HMGCL: variants seen among roughly 807,000 people sequenced by gnomAD.
HMGCL encodes the protein hydroxymethylglutaryl-CoA lyase, mitochondrial.
HMGCL carries 26 observed loss-of-function variants against 37.3 expected under a neutral mutation model. The ratio of observed to expected loss-of-function variants is 0.70; its 90% confidence interval spans 0.51 to 0.97. HMGCL has a LOEUF of 0.97. Ranked by LOEUF, HMGCL falls within the 50% of genes least tolerant of loss-of-function variation. The pLI is 0.00. For missense variants in HMGCL, 379 were observed against 398.1 expected, an observed-to-expected ratio of 0.95 and a Z score of 0.41; for synonymous variants, 151 against 148.0, an observed-to-expected ratio of 1.02 and a Z score of -0.15.
intron 7 of HMGCL, chr1:23,807,216 C>T (rs1461850568): frequency 5.8e-6 from 3 of 518,890 alleles, no homozygotes; most frequent in African/African-American, 5.8e-5. Context: ...GTCACTCTTC[C>T]TGTCTGCCTG....
At chr1:23,811,542 T>G (rs1638520379) in intron 5 of HMGCL, among the ~76,000 whole-genome samples, 2 of 152,132 alleles carry the variant, frequency 1.3e-5, no homozygotes, top group African/African-American at 4.8e-5. Context: ...AAGATCCCTC[T>G]GAGGACAGGA....
intron 5 of HMGCL, among the ~76,000 whole-genome samples, chr1:23,812,448 C>G (rs1303527170): frequency 6.6e-6 from 1 of 152,132 alleles, no homozygotes; most frequent in Non-Finnish European, 1.5e-5. Flanking sequence ...CTTGGACCTC[C>G]CAGGCTCAGG....
At chr1:23,803,726 T>C (rs1415047963) in intron 8 of HMGCL, 1 of 152,364 alleles carries the variant, frequency 6.6e-6, no homozygotes, top group Non-Finnish European at 1.5e-5. Flanking sequence ...AAATAATTTG[T>C]CTGAGGTCTC....
intron 3 of HMGCL, 115 bp from the exon 4 acceptor site, chr1:23,816,885 C>A: frequency 1.3e-6 from 1 of 756,282 alleles, no homozygotes; most frequent in South Asian, 1.4e-5. Flanking sequence ...GCGAGTAATT[C>A]CTTCTGCAGA....
chr1:23,802,503 T>A lies in HMGCL; in HGVS notation c.938A>T (p.Lys313Ile). 6.2e-7 allele frequency: 1 copy of A among 1,614,146 alleles called. No individual in the cohort carries two copies. The highest frequency in any genetic ancestry group is 8.5e-7 in the Non-Finnish European group (1 of 1,179,964). The change falls in exon 9 of 9, where the codon AAA becomes ATA. Residue 313 changes from lysine (K) to isoleucine (I), a missense_variant. By Grantham distance (102) the Lys-to-Ile change is moderately radical. Transcript: ENST00000374490. ...GNFICQALNRKTSSKVAQATC... is the reference protein window; with the variant it reads ...GNFICQALNRITSSKVAQATC... The stretch of plus-strand genomic sequence containing the variant: ...AGCCTGAGCCACTTTGGAGCTAGTT[T>A]TTCTGTTCAGGGCTTGACAGATAAA...
chr1:23,807,688 C>T (rs1036817457), intron 7 of HMGCL, among the ~76,000 whole-genome samples: 1 of 152,222 alleles, frequency 6.6e-6, no homozygotes, highest in African/African-American at 2.4e-5. Context: ...TTCTGCTACA[C>T]ACCCGCACAC....
chr1:23,814,510 A>C (rs1338832225), intron 4 of HMGCL, among the ~76,000 whole-genome samples, 172 bp from the exon 5 acceptor site: 2 of 152,110 alleles, frequency 1.3e-5, no homozygotes, highest in Non-Finnish European at 2.9e-5. Flanking sequence ...AGCTGGGATT[A>C]CAGGAGCCCA....
chr1:23,816,755 C>T lies in HMGCL; in HGVS notation c.268G>A (p.Glu90Lys), dbSNP rs1395491581. Reference sequence around the variant, plus strand: ...AACTTCTGAATGCCCTTCAAGACTTCAGTGTGGTCACCCATCTAGGAACCA... The same window carrying T: ...AACTTCTGAATGCCCTTCAAGACTTTAGTGTGGTCACCCATCTAGGAACCA... ...KWVPQMGDHTEVLKGIQKFPG... is the reference protein window; with the variant it reads ...KWVPQMGDHTKVLKGIQKFPG... Residue 90 changes from glutamate (E) to lysine (K), a missense_variant, in exon 4 of 9, where the codon GAA (glutamate) becomes AAA (lysine). Physicochemically the swap from Glu to Lys is moderately conservative, Grantham distance 56 (BLOSUM62 1). Coordinates refer to ENST00000374490, the MANE Select transcript of HMGCL (RefSeq NM_000191.3). 6.2e-7 allele frequency: 1 copy of T among 1,611,088 alleles called. No homozygotes were observed. The highest frequency in any genetic ancestry group is 1.3e-5 in the African/African-American group (1 of 74,850).
chr1:23,811,821 G>A (rs535231764), intron 5 of HMGCL, among the ~76,000 whole-genome samples: 1 of 152,312 alleles, frequency 6.6e-6, no homozygotes, highest in Admixed American at 6.5e-5. Flanking sequence ...TTTGGGAGCT[G>A]TCTTTAAAAC....
rs1037321916 is a variant in HMGCL, at chr1:23,806,960, G to A, written c.750+1175C>T. ...AAGTCAGCACTTAACCTGGCACATC[G>A]ATCCATATTTCCGAAGTAACTGATG... On this transcript the variant is annotated intron_variant, in intron 7 of 8. Coordinates refer to ENST00000374490, the MANE Select transcript of HMGCL (RefSeq NM_000191.3). This position sits in a 1 kb window ranked among gnomAD's most constrained non-coding sequence, Gnocchi z 4.0. The A allele has an allele frequency of 9.6e-6, 5 of 518,790 alleles. No individual in the cohort carries two copies. Among genetic ancestry groups the A allele is most frequent in the East Asian group, 5.5e-5 (1 of 18,348 alleles). 32.1% of individuals were successfully genotyped at this position (518,790 alleles called of 1,614,324 possible). A position where few individuals can be genotyped will look rare whatever the true frequency, so the allele number is the denominator to read the frequency against.
chr1:23,813,949 T>G (rs1229100164), intron 5 of HMGCL: 2 of 536,050 alleles, frequency 3.7e-6, no homozygotes, highest in Non-Finnish European at 6.7e-6. Flanking sequence ...CCCAAGTTGC[T>G]AGGACTACAG....
chr1:23,816,805 CA>C (rs1162725408), intron 3 of HMGCL, 35 bp from the exon 4 acceptor site: 12 of 1,232,668 alleles, frequency 9.7e-6, no homozygotes, highest in Non-Finnish European at 1.3e-5. Flanking sequence ...AAGTCATCAC[CA>C]AGAGCAGACA....
At chr1:23,810,578 T>C in intron 6 of HMGCL, 158 bp downstream of exon 6, 2 of 695,140 alleles carry the variant, frequency 2.9e-6, no homozygotes, top group South Asian at 3.1e-5. Flanking sequence ...AGGGAGCAAG[T>C]GCAGGGCTGT....
At chr1:23,804,325 C>A in intron 8 of HMGCL, 75 bp downstream of exon 8, 1 of 1,577,642 alleles carries the variant, frequency 6.3e-7, no homozygotes, top group South Asian at 1.1e-5. Context: ...CAAATACCCC[C>A]ATCCACTTTT....
At chr1:23,808,738 T>C (rs1052091106) in intron 6 of HMGCL, among the ~76,000 whole-genome samples, 2 of 112,126 alleles carry the variant, frequency 1.8e-5, no homozygotes, top group African/African-American at 3.7e-5. Context: ...GTTATATTTT[T>C]TTTCTTTTTT....
intron 1 of HMGCL, among the ~76,000 whole-genome samples, chr1:23,824,234 C>T (rs1280265426): frequency 1.3e-5 from 2 of 152,158 alleles, no homozygotes; most frequent in South Asian, 4.1e-4. Flanking sequence ...ATCCCAACTC[C>T]GTAGGTGAAG....
At position 23,802,133 on chromosome 1, in the gene HMGCL, C is replaced by T; in HGVS notation, c.*330G>A. ...TGGCCAGGTGGCCAGCTCGCGGATT[C>T]CATCCAGAGAGGAGACTCAAGGATC... is the stretch of plus-strand genomic sequence containing the variant. On this transcript the variant is annotated 3_prime_UTR_variant, in exon 9 of 9. Transcript: ENST00000374490. The T allele has an allele frequency of 1.8e-6, 1 of 559,454 alleles. No homozygotes were observed. The highest frequency in any genetic ancestry group is 3.2e-6 in the Non-Finnish European group (1 of 315,922). 34.7% of individuals were successfully genotyped at this position (559,454 alleles called of 1,614,324 possible).
chr1:23,808,317 T>G lies in HMGCL; in HGVS notation c.568A>C (p.Lys190Gln). The G allele has an allele frequency of 6.2e-7, 1 of 1,613,936 alleles. No individual in the cohort carries two copies. The highest frequency in any genetic ancestry group is 2.2e-5 in the East Asian group (1 of 44,870). ...ISPAKVAEVT[K>Q]KFYSMGCYEI... is the part of the protein sequence containing the mutation. Reference sequence around the variant, plus strand: ...TAGCAGCCCATTGAGTAGAACTTCTTGGTGACCTAAGGAAGCAAGCAGGCA... The same window carrying G: ...TAGCAGCCCATTGAGTAGAACTTCTGGGTGACCTAAGGAAGCAAGCAGGCA... Residue 190 changes from lysine to glutamine, a missense_variant, in exon 7 of 9, where the codon AAG (lysine) becomes CAG (glutamine). Transcript: ENST00000374490.
chr1:23,808,179 C>CAT lies in HMGCL; in HGVS notation c.704_705dup (p.Asp236MetfsTer12), dbSNP rs1226874636. On this transcript the variant is annotated frameshift_variant, in exon 7 of 9. Coordinates refer to ENST00000374490, the MANE Select transcript of HMGCL (RefSeq NM_000191.3). LOFTEE classifies it high-confidence loss of function. The stretch of plus-strand genomic sequence containing the variant: ...TTGGCCAGGGCTTGACCATAGGTGT[C>CAT]ATGGCAGTGGACAGCCAGGGCAGCC... 3 of 1,614,002 alleles carry CAT rather than the reference C, an allele frequency of 1.9e-6. No homozygotes were observed. The highest frequency in any genetic ancestry group is 2.5e-6 in the Non-Finnish European group (3 of 1,180,030).
Sources: allele counts gnomAD v4.1 joint callset (sites outside exome capture counted in the v4.1 genomes callset), GRCh38; gene constraint gnomAD v4.1.1; non-coding constraint Gnocchi (gnomAD v3.1); transcripts MANE v1.5; gene names NCBI Gene and HGNC (gene_info 2026-07-23, HGNC 2026-07-21).